HSD17B6: variants seen among roughly 807,000 people sequenced by gnomAD.
The protein encoded by HSD17B6 is 17-beta-hydroxysteroid dehydrogenase type 6.
HSD17B6 carries 16 observed loss-of-function variants against 26.4 expected under a neutral mutation model. The ratio of observed to expected loss-of-function variants is 0.61; its 90% confidence interval spans 0.41 to 0.92. The LOEUF (loss-of-function observed/expected upper bound fraction) is 0.92. Among genes scored for constraint, HSD17B6 ranks in the 40% least tolerant of loss-of-function variants. The pLI is 0.00. For missense variants in HSD17B6, 357 were observed against 386.1 expected (o/e 0.92, Z 0.63); for synonymous variants, 139 against 153.0 (o/e 0.91, Z 0.68).
rs1954726072 is a variant in HSD17B6, at chr12:56,782,024, T to C, written c.364T>C (p.Cys122Arg). ...AGGCATTCTTACACCAATTACCTTA[T>C]GTGAGTGGCTGAACACTGAGGACTC... is the stretch of plus-strand genomic sequence containing the variant. ...NAGILTPITL[C>R]EWLNTEDSMN... Residue 122 changes from cysteine (C) to arginine (R), a missense_variant, in exon 3 of 5, where the codon TGT (cysteine) becomes CGT (arginine). Cys to Arg is a radical substitution (Grantham distance 180). Coordinates refer to ENST00000322165, the MANE Select transcript of HSD17B6 (RefSeq NM_003725.4). The C allele has an allele frequency of 6.2e-7, 1 of 1,614,186 alleles. No homozygotes were observed. Among genetic ancestry groups the C allele is most frequent in the Non-Finnish European group, 8.5e-7 (1 of 1,180,018 alleles).
chr12:56,768,980 TAGAG>T (rs1011093015), intron 1 of HSD17B6, among the ~76,000 whole-genome samples: 6 of 142,098 alleles, frequency 4.2e-5, no homozygotes, highest in African/African-American at 1.6e-4. Flanking sequence ...ATTGCAGTAA[TAGAG>T]AGAGACTGAG....
At chr12:56,779,680 C>T (rs1954670476) in intron 2 of HSD17B6, among the ~76,000 whole-genome samples, 1 of 152,108 alleles carries the variant, frequency 6.6e-6, no homozygotes, top group African/African-American at 2.4e-5. Flanking sequence ...AATCCAAGGC[C>T]CTCAGAACAC....
chr12:56,774,199 A>C (rs781678523), intron 2 of HSD17B6, 34 bp downstream of exon 2: 3 of 1,518,216 alleles, frequency 2.0e-6, no homozygotes, highest in Non-Finnish European at 2.7e-6. Context: ...TTTACTTAGC[A>C]TGAAGATGCT....
Position 56,787,573 on chromosome 12 carries a change from C to T in HSD17B6, c.*231C>T. 2.0e-6 allele frequency: 1 copy of T among 507,188 alleles called. No homozygotes were observed. The highest frequency in any genetic ancestry group is 2.5e-5 in the South Asian group (1 of 40,152). 31.4% of individuals were successfully genotyped at this position (507,188 alleles called of 1,614,324 possible). A position where few individuals can be genotyped will look rare whatever the true frequency, so the allele number is the denominator to read the frequency against. ...GCCCTTTTTTGATGAGACTATTTGTCTAAAGTGAATCATTTGTTCTTGCCT... is the reference window on the plus strand; with the variant it reads ...GCCCTTTTTTGATGAGACTATTTGTTTAAAGTGAATCATTTGTTCTTGCCT... On this transcript the variant is annotated 3_prime_UTR_variant, in exon 5 of 5. Coordinates refer to ENST00000322165, the MANE Select transcript of HSD17B6 (RefSeq NM_003725.4).
intron 3 of HSD17B6, among the ~76,000 whole-genome samples, chr12:56,784,006 G>A (rs1484906967): frequency 2.6e-5 from 4 of 151,522 alleles, no homozygotes; most frequent in African/African-American, 7.3e-5. Context: ...ACGGGGTCGC[G>A]GCTGGGCCGA....
Position 56,781,913 on chromosome 12 carries a change from G to T in HSD17B6, c.314-61G>T. 1.2e-5 allele frequency: 18 copies of T among 1,561,036 alleles called. No homozygotes were observed. The South Asian group carries it at 2.2e-4, about 19-fold the overall frequency. ...CAAGAGTGATTCTTTCCCCACCAAA[G>T]TTCAAAATAGAGTATTTTTGCCTGA... On this transcript the variant is annotated intron_variant, in intron 2 of 4. Transcript: ENST00000322165.
chr12:56,776,054 TAGCTGGCACTACA>T (rs1416213588), intron 2 of HSD17B6, among the ~76,000 whole-genome samples: 1 of 152,118 alleles, frequency 6.6e-6, no homozygotes, highest in Non-Finnish European at 1.5e-5. Context: ...GCCTCCCAAG[TAGCTGGCACTACA>T]AGCATGCACC....
intron 2 of HSD17B6, among the ~76,000 whole-genome samples, chr12:56,777,092 C>G (rs1415909653): frequency 6.6e-6 from 1 of 152,054 alleles, no homozygotes; most frequent in African/African-American, 2.4e-5. Context: ...AATGAAATTG[C>G]TTCTTTTGGC....
At chr12:56,765,350 C>G (rs1466407840) in intron 1 of HSD17B6, among the ~76,000 whole-genome samples, 1 of 151,628 alleles carries the variant, frequency 6.6e-6, no homozygotes, top group African/African-American at 2.4e-5. Flanking sequence ...GCCGGAGGAT[C>G]GCTGGAACCT....
At chr12:56,775,374 T>G (rs7295862) in intron 2 of HSD17B6, among the ~76,000 whole-genome samples, 6 of 151,974 alleles carry the variant, frequency 3.9e-5, no homozygotes, top group African/African-American at 1.2e-4. Flanking sequence ...GTTGCCACCA[T>G]GCCTGGCTAA....
In HSD17B6 at chr12:56,783,248, G is replaced by A. The variant is rs538725971; in HGVS notation, c.572+1016G>A. On this transcript the variant is annotated intron_variant, in intron 3 of 4. Coordinates refer to ENST00000322165, the MANE Select transcript of HSD17B6 (RefSeq NM_003725.4). Reference sequence around the variant, plus strand: ...CAGAGGCGCCCCTCACCTCCCGGACGGGGTGGCCGGGCGGGGGGCTGACCC... The same window carrying A: ...CAGAGGCGCCCCTCACCTCCCGGACAGGGTGGCCGGGCGGGGGGCTGACCC... Among the ~76,000 whole-genome samples, 8 of 151,234 alleles carry A rather than the reference G, an allele frequency of 5.3e-5. No individual in the cohort carries two copies. The East Asian group carries it at 6.0e-4, about 11-fold the overall frequency.
chr12:56,768,584 T>G (rs1238065386), intron 1 of HSD17B6, among the ~76,000 whole-genome samples: 1 of 152,078 alleles, frequency 6.6e-6, no homozygotes, highest in Admixed American at 6.6e-5. Flanking sequence ...GTGTCCAGGT[T>G]GAGCAGATCT....
At chr12:56,777,500 G>C (rs1954619200) in intron 2 of HSD17B6, among the ~76,000 whole-genome samples, 1 of 151,806 alleles carries the variant, frequency 6.6e-6, no homozygotes, top group Admixed American at 6.6e-5. Context: ...AAGTAGCTGG[G>C]ATTACAGGCG....
At chr12:56,780,507 A>G (rs1030210671) in intron 2 of HSD17B6, among the ~76,000 whole-genome samples, 1 of 152,124 alleles carries the variant, frequency 6.6e-6, no homozygotes, top group Non-Finnish European at 1.5e-5. Flanking sequence ...ACCTTTTTCA[A>G]CATTCCACAA....
intron 3 of HSD17B6, among the ~76,000 whole-genome samples, chr12:56,782,892 C>T (rs973616290): frequency 1.3e-5 from 2 of 152,042 alleles, no homozygotes; most frequent in African/African-American, 2.4e-5. Flanking sequence ...GCACATCTTG[C>T]ACCGCCCTTA....
At position 56,777,893 on chromosome 12, in the gene HSD17B6, G is replaced by C. The variant is rs112003374; in HGVS notation, c.313+3728G>C. On this transcript the variant is annotated intron_variant, in intron 2 of 4. Coordinates refer to ENST00000322165, the MANE Select transcript of HSD17B6 (RefSeq NM_003725.4). ...TAATAAAATATTGCTTCTTGTCTGA[G>C]GATGTTCTTAACTCCCCCAGGCAGA... 6.6e-3 allele frequency among the ~76,000 whole-genome samples: 1,009 copies of C among 152,260 alleles called. 10 individuals carry two copies. Among genetic ancestry groups the C allele is most frequent in the African/African-American group, 0.023 (948 of 41,534 alleles).
chr12:56,764,407 G>C (rs1954277849), intron 1 of HSD17B6, among the ~76,000 whole-genome samples: 1 of 152,180 alleles, frequency 6.6e-6, no homozygotes, highest in Admixed American at 6.5e-5. Context: ...CACGAGCATG[G>C]CCCAAAATAG....
intron 1 of HSD17B6, among the ~76,000 whole-genome samples, chr12:56,769,628 T>C: frequency 6.6e-6 from 1 of 152,196 alleles, no homozygotes; most frequent in East Asian, 1.9e-4. Context: ...TGAATTCTTA[T>C]TTACCATAGC....
At chr12:56,776,668 TGAGATG>T (rs1414843545) in intron 2 of HSD17B6, among the ~76,000 whole-genome samples, 1 of 152,068 alleles carries the variant, frequency 6.6e-6, no homozygotes, top group Admixed American at 6.6e-5. Flanking sequence ...TTTGTTTTGT[TGAGATG>T]GAGGTCTTAC....
Sources: gnomAD v4.1 joint callset for allele counts (sites outside exome capture counted in the v4.1 genomes callset) on GRCh38, gnomAD v4.1.1 for gene constraint, MANE v1.5 for transcripts, NCBI Gene and HGNC (gene_info 2026-07-23, HGNC 2026-07-21) for gene names.